Variants in UBA2 observed in about 807,000 individuals in gnomAD.
UBA2 encodes SUMO-activating enzyme subunit 2.
In UBA2, 11 loss-of-function variants were observed where a neutral mutation model predicts 77.2. The observed-to-expected ratio is 0.14, with a 90% CI of 0.09 to 0.24. The LOEUF (loss-of-function observed/expected upper bound fraction) is 0.24, where lower values mean the gene tolerates loss of function less well. Ranked by LOEUF, UBA2 falls within the 10% of genes least tolerant of loss-of-function variation. The pLI is 1.00. For synonymous variants in UBA2, 278 were observed against 276.7 expected (o/e 1.00, Z -0.05); for missense variants, 487 against 781.7 (o/e 0.62, Z 4.50).
chr19:34,445,709 A>G (rs2075422394), intron 8 of UBA2, among the ~76,000 whole-genome samples: 1 of 152,060 alleles, frequency 6.6e-6, no homozygotes, highest in East Asian at 1.9e-4. Context: ...AAGTGATGGG[A>G]TTATAGGCGT....
chr19:34,466,787 A>G (rs1015606997), intron 15 of UBA2, 91 bp from the exon 16 acceptor site: 22 of 1,125,856 alleles, frequency 2.0e-5, no homozygotes, highest in Non-Finnish European at 2.5e-5. Context: ...TGGTGTATAC[A>G]TAGTGTATGC....
rs567960411 is a variant in UBA2, at chr19:34,428,443, C to T, written c.11C>T (p.Ser4Leu). The change falls in exon 1 of 17, where the codon TCG (serine) becomes TTG (leucine). Residue 4 changes from serine (S) to leucine (L), a missense_variant. Ser to Leu is a moderately radical substitution (Grantham distance 145). This residue lies in a region of UBA2 where 30 missense variants were observed against 27.4 expected (regional missense o/e 1.09). Transcript: ENST00000246548. MALSRGLPRELAEA... is the reference protein window; with the variant it reads MALLRGLPRELAEA... ...CGTGGTTGTCCCGCCATGGCACTGT[C>T]GCGGGGGCTGCCCCGGGAGCTGGCT... 5 of 1,273,114 alleles carry T rather than the reference C, an allele frequency of 3.9e-6. No individual in the cohort carries two copies. The highest frequency in any genetic ancestry group is 5.0e-6 in the Non-Finnish European group (5 of 1,006,762). The allele number at this position is 1,273,114 out of a possible 1,614,324, so 78.9% of individuals were successfully genotyped here.
At chr19:34,430,281 AT>A (rs1335831934) in intron 1 of UBA2, 5 of 266,626 alleles carry the variant, frequency 1.9e-5, no homozygotes, top group Middle Eastern at 1.2e-3. Context: ...GAATTCACAT[AT>A]TTTTATGGCA....
intron 6 of UBA2, among the ~76,000 whole-genome samples, chr19:34,442,455 G>GT (rs955922622): frequency 6.6e-6 from 1 of 151,986 alleles, no homozygotes; most frequent in African/African-American, 2.4e-5. Context: ...TTTTGTTGTT[G>GT]TTTTTTTGAG....
intron 5 of UBA2, among the ~76,000 whole-genome samples, chr19:34,437,669 T>G (rs547237169): frequency 6.6e-6 from 1 of 152,290 alleles, no homozygotes; most frequent in Non-Finnish European, 1.5e-5. Flanking sequence ...GAAAGATGAT[T>G]CATTTGATAG....
At chr19:34,450,641 C>T (rs1328621162) in intron 9 of UBA2, among the ~76,000 whole-genome samples, 1 of 150,008 alleles carries the variant, frequency 6.7e-6, no homozygotes, top group Non-Finnish European at 1.5e-5. Context: ...CTCTCACTTG[C>T]TTTTGTCAGT....
Position 34,454,456 on chromosome 19 carries a change from A to T in UBA2, c.1145A>T (p.Asn382Ile). 1 of 1,598,092 alleles carries T rather than the reference A, an allele frequency of 6.3e-7. No homozygotes were observed. Among genetic ancestry groups the T allele is most frequent in the Non-Finnish European group, 8.5e-7 (1 of 1,173,112 alleles). Residue 382 changes from asparagine (N) to isoleucine (I), a missense_variant, in exon 12 of 17, where the codon AAC becomes ATC. Asn to Ile is a moderately radical substitution (Grantham distance 149, BLOSUM62 -3). This residue lies in a region of UBA2 where 300 missense variants were observed against 454.3 expected (regional missense o/e 0.66). Coordinates refer to ENST00000246548, the MANE Select transcript of UBA2 (RefSeq NM_005499.3). The stretch of plus-strand genomic sequence containing the variant: ...TTTTTTTTCCCAGCAATGGCAGGGA[A>T]CATTATTCCTGCTATTGCTACTACT... ...SRFDIKSMAG[N>I]IIPAIATTNA... is the part of the protein sequence containing the mutation.
intron 4 of UBA2, among the ~76,000 whole-genome samples, chr19:34,434,039 A>G (rs2075283985): frequency 6.6e-6 from 1 of 152,184 alleles, no homozygotes; most frequent in South Asian, 2.1e-4. Context: ...TCCACATGTA[A>G]AAGTATATCT....
At chr19:34,447,459 G>T (rs1303432413) in intron 8 of UBA2, among the ~76,000 whole-genome samples, 1 of 152,210 alleles carries the variant, frequency 6.6e-6, no homozygotes, top group African/African-American at 2.4e-5. Context: ...ACTTCGATAT[G>T]GTCAACAGCA....
chr19:34,450,830 C>A (rs2075486423), intron 9 of UBA2, among the ~76,000 whole-genome samples: 2 of 145,422 alleles, frequency 1.4e-5, no homozygotes, highest in South Asian at 4.4e-4. Context: ...CTCACCGCAA[C>A]CTGGGTTCAA....
chr19:34,452,217 AAGCT>A, intron 10 of UBA2, 70 bp downstream of exon 10: 1 of 1,242,108 alleles, frequency 8.1e-7, no homozygotes, highest in East Asian at 2.6e-5. Context: ...GATGTAATAG[AAGCT>A]AGTCATTTTT....
intron 16 of UBA2, 158 bp downstream of exon 16, chr19:34,467,172 A>G (rs898059985): frequency 2.3e-5 from 21 of 924,122 alleles, no homozygotes; most frequent in African/African-American, 5.0e-5. Flanking sequence ...TTTATGAACC[A>G]TGAAGACATT....
intron 15 of UBA2, among the ~76,000 whole-genome samples, chr19:34,465,282 T>C (rs542637379): frequency 6.6e-6 from 1 of 152,146 alleles, no homozygotes; most frequent in Non-Finnish European, 1.5e-5. Context: ...CAAACATGCA[T>C]AGTGTTGGTG....
intron 8 of UBA2, among the ~76,000 whole-genome samples, chr19:34,446,300 A>G (rs1372519107): frequency 3.9e-5 from 6 of 152,234 alleles, no homozygotes; most frequent in African/African-American, 1.4e-4. Context: ...AAACCATTGG[A>G]CATAATTTAC....
chr19:34,458,298 G>C (rs2075591173), intron 12 of UBA2, among the ~76,000 whole-genome samples: 6 of 152,114 alleles, frequency 3.9e-5, no homozygotes, highest in Admixed American at 3.3e-4. Flanking sequence ...GCTCACGCCT[G>C]TAATCCCAGC....
At chr19:34,430,916 A>G (rs554434350) in intron 2 of UBA2, among the ~76,000 whole-genome samples, 2 of 152,186 alleles carry the variant, frequency 1.3e-5, no homozygotes, top group South Asian at 4.1e-4. Flanking sequence ...TTTGCTTAGG[A>G]TGCACCTTGT....
At chr19:34,463,456 G>A (rs573273591) in intron 14 of UBA2, among the ~76,000 whole-genome samples, 1 of 152,262 alleles carries the variant, frequency 6.6e-6, no homozygotes, top group East Asian at 1.9e-4. Flanking sequence ...TGAAGGTGCT[G>A]GCAGGTTTGT....
chr19:34,444,973 GAAAAT>G, intron 7 of UBA2, 22 bp from the exon 8 acceptor site: 1 of 1,600,504 alleles, frequency 6.2e-7, no homozygotes, highest in Non-Finnish European at 8.5e-7. Flanking sequence ...TATTACGGTT[GAAAAT>G]AAAATAATGA....
chr19:34,444,542 C>CA (rs775616765), intron 7 of UBA2, among the ~76,000 whole-genome samples: 44 of 152,162 alleles, frequency 2.9e-4, no homozygotes, highest in Non-Finnish European at 6.0e-4. Context: ...CAAGGTGGCT[C>CA]ACGCCCGTAG....
Sources: allele counts gnomAD v4.1 joint callset (sites outside exome capture counted in the v4.1 genomes callset), GRCh38; gene constraint gnomAD v4.1.1; regional missense constraint gnomAD v4.1.1; transcripts MANE v1.5; gene names NCBI Gene and HGNC (gene_info 2026-07-23, HGNC 2026-07-21).